Variants in AOPEP observed in about 807,000 individuals in gnomAD.
AOPEP encodes aminopeptidase O (putative).
AOPEP carries 77 observed loss-of-function variants against 98.1 expected under a neutral mutation model. That is an observed-to-expected ratio of 0.78 (90% CI 0.65 to 0.95). AOPEP has a LOEUF of 0.95. Among genes scored for constraint, AOPEP ranks in the 40% least tolerant of loss-of-function variants. The probability of loss-of-function intolerance (pLI) is 0.00; values close to 1 mark genes in which losing one functional copy is unlikely to be tolerated. For synonymous variants in AOPEP, 346 were observed against 365.3 expected (o/e 0.95, Z 0.60); for missense variants, 1,024 against 1,024.7 (o/e 1.00, Z 0.01).
At chr9:95,140,248 G>A in the AOPEP span, among the ~76,000 whole-genome samples, 5 of 151,966 alleles carry the variant, frequency 3.3e-5, no homozygotes, top group East Asian at 1.9e-4. Flanking sequence ...CAGTGACAGC[G>A]TCTGCCATGA....
At chr9:95,126,638 T>C in the AOPEP span, 61 of 1,572,740 alleles carry the variant, frequency 3.9e-5, no homozygotes, top group East Asian at 1.3e-3. Context: ...TCTCAGAAAC[T>C]TGCTATTATC....
At chr9:94,859,108 C>T (rs1478756079) in intron 5 of AOPEP, among the ~76,000 whole-genome samples, 1 of 151,348 alleles carries the variant, frequency 6.6e-6, no homozygotes, top group East Asian at 1.9e-4. Flanking sequence ...CAGAGTGAGA[C>T]TCTGTCTCAA....
chr9:95,121,636 G>T, the AOPEP span, among the ~76,000 whole-genome samples: 1 of 152,118 alleles, frequency 6.6e-6, no homozygotes. Flanking sequence ...TTTCACAATG[G>T]ACTATGCATA....
the AOPEP span, among the ~76,000 whole-genome samples, chr9:95,106,287 T>C: frequency 2.6e-5 from 4 of 152,306 alleles, no homozygotes; most frequent in Admixed American, 2.0e-4. Flanking sequence ...GTTCAAGTCC[T>C]TTGCCCATTT....
At chr9:94,963,922 G>A (rs1203805418) in intron 9 of AOPEP, among the ~76,000 whole-genome samples, 2 of 152,148 alleles carry the variant, frequency 1.3e-5, no homozygotes, top group Non-Finnish European at 2.9e-5. Flanking sequence ...GTCCACTTTA[G>A]AGGTATATGC....
chr9:95,080,802 A>T, intron 15 of AOPEP, 22 bp downstream of exon 15: 1 of 1,540,474 alleles, frequency 6.5e-7, no homozygotes. Flanking sequence ...CTTTCAGCAG[A>T]TGGGGATTCT....
At chr9:94,810,913 A>G (rs530774717) in intron 5 of AOPEP, among the ~76,000 whole-genome samples, 2 of 152,284 alleles carry the variant, frequency 1.3e-5, no homozygotes, top group African/African-American at 4.8e-5. Context: ...AGTGAAAAGC[A>G]TCATTTTCAA....
chr9:94,990,976 G>C (rs1305905623), intron 11 of AOPEP, among the ~76,000 whole-genome samples: 1 of 152,232 alleles, frequency 6.6e-6, no homozygotes, highest in African/African-American at 2.4e-5. Context: ...ACACCTGGAA[G>C]GTAAAGCCCG....
At chr9:94,840,007 A>G (rs1453347907) in intron 5 of AOPEP, among the ~76,000 whole-genome samples, 8 of 152,262 alleles carry the variant, frequency 5.3e-5, no homozygotes, top group Admixed American at 2.0e-4. Flanking sequence ...GGCTTAAGCA[A>G]TCTTCCTGTG....
intron 14 of AOPEP, among the ~76,000 whole-genome samples, chr9:95,064,756 A>G (rs868360902): frequency 1.3e-5 from 2 of 151,242 alleles, no homozygotes; most frequent in South Asian, 2.1e-4. Flanking sequence ...CAGCAACACA[A>G]TCATGTGACA....
chr9:94,764,614 C>T (rs1462250987), intron 2 of AOPEP, among the ~76,000 whole-genome samples: 1 of 152,148 alleles, frequency 6.6e-6, no homozygotes, highest in Admixed American at 6.5e-5. Context: ...TGCTACTGCA[C>T]TCCAGCCTGG....
chr9:94,929,963 G>A (rs1215854414), intron 7 of AOPEP, among the ~76,000 whole-genome samples: 1 of 152,192 alleles, frequency 6.6e-6, no homozygotes, highest in Non-Finnish European at 1.5e-5. Context: ...GGGACTGAGG[G>A]CAGGGGCCAA....
At chr9:95,123,834 AT>A in the AOPEP span, 1 of 656,654 alleles carries the variant, frequency 1.5e-6, no homozygotes, top group Non-Finnish European at 2.9e-6. Flanking sequence ...AGACCTGCGG[AT>A]GCTGCCCCAC....
At chr9:94,742,863 A>G (rs1833476735) in intron 1 of AOPEP, among the ~76,000 whole-genome samples, 1 of 151,990 alleles carries the variant, frequency 6.6e-6, no homozygotes, top group Non-Finnish European at 1.5e-5. Context: ...TATTTTATGA[A>G]AGTATAAGGG....
At chr9:94,877,311 G>A (rs1015499375) in intron 5 of AOPEP, among the ~76,000 whole-genome samples, 2 of 152,098 alleles carry the variant, frequency 1.3e-5, no homozygotes, top group Non-Finnish European at 2.9e-5. Flanking sequence ...AATCTGCATA[G>A]CTCCTGAACA....
At chr9:94,923,316 G>A (rs1456625212) in intron 5 of AOPEP, among the ~76,000 whole-genome samples, 1 of 152,190 alleles carries the variant, frequency 6.6e-6, no homozygotes, top group Non-Finnish European at 1.5e-5. Flanking sequence ...ACACCTGGGT[G>A]GGATAACTCC....
At chr9:95,088,832 T>C (rs1027802107), downstream of AOPEP, among the ~76,000 whole-genome samples, 17 of 152,228 alleles carry the variant, frequency 1.1e-4, no homozygotes, top group African/African-American at 4.1e-4. Context: ...GTCTTGTGAC[T>C]TGCTTTGACC....
chr9:95,149,297 G>C, the AOPEP span, among the ~76,000 whole-genome samples: 695 of 152,166 alleles, frequency 4.6e-3, 4 homozygotes, highest in African/African-American at 0.016. Context: ...CCTGAGCAAC[G>C]GTAGGAGGGA....
chr9:94,847,575 A>G (rs938312401), intron 5 of AOPEP, among the ~76,000 whole-genome samples: 1 of 152,230 alleles, frequency 6.6e-6, no homozygotes, highest in Admixed American at 6.5e-5. Flanking sequence ...AATCAAATTA[A>G]TTCAAGTAGT....
Sources: allele counts gnomAD v4.1 joint callset (sites outside exome capture counted in the v4.1 genomes callset), GRCh38; gene constraint gnomAD v4.1.1; transcripts MANE v1.5; gene names NCBI Gene and HGNC (gene_info 2026-07-23, HGNC 2026-07-21).